SNX3: variants seen among roughly 807,000 people sequenced by gnomAD.
SNX3 encodes the protein sorting nexin-3.
SNX3 carries 5 observed loss-of-function variants against 17.7 expected under a neutral mutation model. The observed-to-expected ratio is 0.28, with a 90% CI of 0.15 to 0.59. The LOEUF is 0.59. Ranked by LOEUF, SNX3 falls within the 20% of genes least tolerant of loss-of-function variation. The probability of loss-of-function intolerance (pLI) is 0.88; values close to 1 mark genes in which losing one functional copy is unlikely to be tolerated. For synonymous variants in SNX3, 91 were observed against 76.5 expected, an observed-to-expected ratio of 1.19 and a Z score of -0.99; for missense variants, 132 against 206.8, an observed-to-expected ratio of 0.64 and a Z score of 2.22.
Position 108,212,013 on chromosome 6 carries a change from C to T in SNX3, c.*136G>A. On this transcript the variant is annotated 3_prime_UTR_variant, in exon 4 of 4. Transcript: ENST00000230085. ...CTTCTTGTCAACTGCCAAAACAAAA[C>T]AAAACTGAGCATATGAGTGTTAGTA... 3 of 554,444 alleles carry T rather than the reference C, an allele frequency of 5.4e-6. No homozygotes were observed. The South Asian group carries it at 7.1e-5, about 13-fold the overall frequency. The allele number at this position is 554,444 out of a possible 1,614,324, so 34.3% of individuals were successfully genotyped here. A position where few individuals can be genotyped will look rare whatever the true frequency, so the allele number is the denominator to read the frequency against.
At chr6:108,253,123 T>C (rs1010467088) in intron 1 of SNX3, among the ~76,000 whole-genome samples, 5 of 152,200 alleles carry the variant, frequency 3.3e-5, no homozygotes, top group African/African-American at 4.8e-5. Context: ...ATAAGCATGA[T>C]GATAAAGGTG....
At position 108,254,510 on chromosome 6, in the gene SNX3, A is replaced by G. The variant is rs529016540; in HGVS notation, c.162+6250T>C. 2.5e-4 allele frequency among the ~76,000 whole-genome samples: 38 copies of G among 152,202 alleles called. 1 individual carries two copies. Among genetic ancestry groups the G allele is most frequent in the Admixed American group, 2.1e-3 (32 of 15,264 alleles). ...TGAAGGTCCGAAAATCTAGGTTCAA[A>G]TCCCAGTTTTACCATTTAATAGCTG... On this transcript the variant is annotated intron_variant, in intron 1 of 3. Transcript: ENST00000230085.
At position 108,260,801 on chromosome 6, in the gene SNX3, C is replaced by A. The variant is rs771165355; in HGVS notation, c.121G>T (p.Val41Phe). 6 of 1,613,876 alleles carry A rather than the reference C, an allele frequency of 3.7e-6. No individual in the cohort carries two copies. The highest frequency in any genetic ancestry group is 5.1e-6 in the Non-Finnish European group (6 of 1,179,844). ...TAAGTGGTGAAGCGGCCCCGGCCGA[C>A]CCCCACCGTTTGCGGGTTGCTCACA... Reference protein sequence around the residue: ...IDVSNPQTVGVGRGRFTTYEI... With the variant: ...IDVSNPQTVGFGRGRFTTYEI... Residue 41 changes from valine to phenylalanine, a missense_variant, in exon 1 of 4, where the codon GTC becomes TTC. Physicochemically the swap from Val to Phe is conservative, Grantham distance 50. Coordinates refer to ENST00000230085, the MANE Select transcript of SNX3 (RefSeq NM_003795.6).
At chr6:108,254,667 C>T (rs1347149736) in intron 1 of SNX3, among the ~76,000 whole-genome samples, 1 of 152,130 alleles carries the variant, frequency 6.6e-6, no homozygotes, top group Non-Finnish European at 1.5e-5. Context: ...ATGGGTGACA[C>T]AGGAACTTAC....
At chr6:108,243,530 T>C (rs1389274055) in intron 1 of SNX3, among the ~76,000 whole-genome samples, 2 of 152,178 alleles carry the variant, frequency 1.3e-5, no homozygotes, top group Non-Finnish European at 2.9e-5. Flanking sequence ...CAAACCTTGT[T>C]ATGACTTCAG....
chr6:108,247,321 C>T (rs1775721196), intron 1 of SNX3, among the ~76,000 whole-genome samples: 1 of 151,812 alleles, frequency 6.6e-6, no homozygotes, highest in African/African-American at 2.4e-5. Context: ...CAGGAGGAAA[C>T]AGGAAACGAT....
chr6:108,217,292 T>C (rs1445683133), intron 2 of SNX3, among the ~76,000 whole-genome samples: 1 of 151,984 alleles, frequency 6.6e-6, no homozygotes, highest in East Asian at 1.9e-4. Context: ...CATTATCCTC[T>C]GTAGAGATAC....
chr6:108,238,112 A>C (rs1477328850), intron 1 of SNX3, among the ~76,000 whole-genome samples: 1 of 151,414 alleles, frequency 6.6e-6, no homozygotes, highest in Admixed American at 6.6e-5. Context: ...AAAAAAAAAA[A>C]AAAAAAAACA....
At chr6:108,222,928 T>C in intron 2 of SNX3, 22 bp downstream of exon 2, 1 of 1,409,054 alleles carries the variant, frequency 7.1e-7, no homozygotes, top group Non-Finnish European at 1.0e-6. Flanking sequence ...TGCTTTAAAG[T>C]TGCATCATAA....
At chr6:108,228,537 ACT>A (rs897632353) in intron 1 of SNX3, among the ~76,000 whole-genome samples, 12 of 148,766 alleles carry the variant, frequency 8.1e-5, no homozygotes, top group African/African-American at 2.8e-4. Context: ...CAAGAGCGAA[ACT>A]CTGTTTAAAA....
At chr6:108,238,685 T>C (rs1775428049) in intron 1 of SNX3, among the ~76,000 whole-genome samples, 1 of 152,174 alleles carries the variant, frequency 6.6e-6, no homozygotes, top group Admixed American at 6.5e-5. Flanking sequence ...AGCCTCTTAT[T>C]TTTCCGCTCA....
At chr6:108,260,616 T>A (rs1776162208) in intron 1 of SNX3, 144 bp downstream of exon 1, 2 of 871,516 alleles carry the variant, frequency 2.3e-6, no homozygotes. Context: ...AGAGGGGCCC[T>A]GGCTCACGAC....
At chr6:108,222,158 T>C (rs1774803046) in intron 2 of SNX3, 1 of 1,235,400 alleles carries the variant, frequency 8.1e-7, no homozygotes. Flanking sequence ...AAAACCCTTA[T>C]TAAACTTGAG....
At chr6:108,260,664 G>A in intron 1 of SNX3, 96 bp downstream of exon 1, 2 of 1,422,752 alleles carry the variant, frequency 1.4e-6, no homozygotes, top group Non-Finnish European at 2.0e-6. Context: ...CGGCCTGGGA[G>A]GCTGTGGCTG....
At chr6:108,224,216 G>A (rs1012630223) in intron 1 of SNX3, among the ~76,000 whole-genome samples, 8 of 152,188 alleles carry the variant, frequency 5.3e-5, no homozygotes, top group African/African-American at 1.7e-4. Context: ...CAATCCTCTC[G>A]CCTTGGCCTC....
chr6:108,237,697 G>A (rs544566677), intron 1 of SNX3, among the ~76,000 whole-genome samples: 1 of 152,176 alleles, frequency 6.6e-6, no homozygotes, highest in East Asian at 1.9e-4. Context: ...GCTGAGGCAG[G>A]AGAATCACGT....
intron 1 of SNX3, among the ~76,000 whole-genome samples, chr6:108,225,358 G>A (rs1199529397): frequency 6.6e-6 from 1 of 152,172 alleles, no homozygotes; most frequent in Non-Finnish European, 1.5e-5. Context: ...CAGCTCTTTG[G>A]GAGGCCGAGG....
At chr6:108,220,602 C>G (rs1240529254) in intron 2 of SNX3, among the ~76,000 whole-genome samples, 1 of 152,132 alleles carries the variant, frequency 6.6e-6, no homozygotes, top group East Asian at 1.9e-4. Context: ...ATGAAATCAC[C>G]TAAGGATGCA....
Position 108,231,109 on chromosome 6 carries a change from GTTTTTT to G in SNX3, c.163-8070_163-8065del, listed in dbSNP as rs35263877. On this transcript the variant is annotated intron_variant, in intron 1 of 3. Coordinates refer to ENST00000230085, the MANE Select transcript of SNX3 (RefSeq NM_003795.6). ...GAGGGATCCTCCCACCTCTGGTGGTGTTTTTTTTTTTTTTGAGACACAGTCTCCCTT... is the reference window on the plus strand; with the variant it reads ...GAGGGATCCTCCCACCTCTGGTGGTGTTTTTTTTGAGACACAGTCTCCCTT... 2.1e-5 allele frequency among the ~76,000 whole-genome samples: 3 copies of G among 143,134 alleles called. No individual in the cohort carries two copies. The East Asian group carries it at 6.1e-4, about 29-fold the overall frequency. 93.9% of individuals were successfully genotyped at this position (143,134 alleles called of 152,430 possible).
Sources: gnomAD v4.1 joint callset for allele counts (sites outside exome capture counted in the v4.1 genomes callset) on GRCh38, gnomAD v4.1.1 for gene constraint, MANE v1.5 for transcripts, NCBI Gene and HGNC (gene_info 2026-07-23, HGNC 2026-07-21) for gene names.